Variants in ATG3 observed in about 807,000 individuals in gnomAD.
ATG3 encodes the protein ubiquitin-like-conjugating enzyme ATG3.
ATG3 carries 25 observed loss-of-function variants against 50.7 expected under a neutral mutation model. The ratio of observed to expected loss-of-function variants is 0.49; its 90% CI spans 0.36 to 0.69. The LOEUF is 0.69. Ranked by LOEUF, ATG3 falls within the 30% of genes least tolerant of loss-of-function variation. ATG3 has a pLI of 0.00. For synonymous variants in ATG3, 119 were observed against 125.5 expected (o/e 0.95, Z 0.34); for missense variants, 281 against 376.0 (o/e 0.75, Z 2.09).
At chr3:112,537,980 G>T in intron 8 of ATG3, 90 bp from the exon 9 acceptor site, 1 of 1,343,550 alleles carries the variant, frequency 7.4e-7, no homozygotes, top group Non-Finnish European at 1.0e-6. Context: ...TCTATATTTT[G>T]TTTTCTTAAG....
chr3:112,536,334 C>A, intron 10 of ATG3, 141 bp downstream of exon 10: 1 of 941,576 alleles, frequency 1.1e-6, no homozygotes, highest in East Asian at 2.8e-5. Flanking sequence ...AAGAAAATTT[C>A]TAAGGAGGAC....
At chr3:112,560,609 C>T (rs562172487) in intron 1 of ATG3, among the ~76,000 whole-genome samples, 2 of 151,866 alleles carry the variant, frequency 1.3e-5, no homozygotes, top group South Asian at 2.1e-4. Flanking sequence ...TAAGCAAGAA[C>T]TTCCCATTAA....
At chr3:112,547,516 C>T (rs920780559) in intron 5 of ATG3, among the ~76,000 whole-genome samples, 2 of 152,180 alleles carry the variant, frequency 1.3e-5, no homozygotes, top group Non-Finnish European at 2.9e-5. Context: ...AGCACATTTT[C>T]TTCATCAAAA....
At chr3:112,539,678 C>T (rs1224675586) in intron 7 of ATG3, among the ~76,000 whole-genome samples, 2 of 152,140 alleles carry the variant, frequency 1.3e-5, no homozygotes, top group African/African-American at 4.8e-5. Flanking sequence ...TGCTTTATCT[C>T]CAACACCAAG....
chr3:112,541,881 T>A lies in ATG3; in HGVS notation c.397A>T (p.Asn133Tyr). ...GCTGAGCAATCTTGAAGCCTTATAT[T>A]GTCCTTTGAAATTAATTATATTTAA... ...VKEITLENKD[N>Y]IRLQDCSALC... The change falls in exon 7 of 12, where the codon AAT (asparagine) becomes TAT (tyrosine). Residue 133 changes from asparagine to tyrosine, a missense_variant. This residue lies in a region of ATG3 where 242 missense variants were observed against 305.0 expected (regional missense o/e 0.79). Coordinates refer to ENST00000283290, the MANE Select transcript of ATG3 (RefSeq NM_022488.5). The A allele has an allele frequency of 6.2e-7, 1 of 1,608,376 alleles. No individual in the cohort carries two copies. The highest frequency in any genetic ancestry group is 1.1e-5 in the South Asian group (1 of 90,316).
chr3:112,544,268 A>G (rs1933313439), intron 5 of ATG3, among the ~76,000 whole-genome samples, 162 bp from the exon 6 acceptor site: 1 of 152,236 alleles, frequency 6.6e-6, no homozygotes, highest in Admixed American at 6.5e-5. Flanking sequence ...GAGAATAGTC[A>G]CAATGGCACC....
chr3:112,544,077 CTT>C lies in ATG3; in HGVS notation c.371_372del (p.Lys124ArgfsTer7). On this transcript the variant is annotated frameshift_variant, in exon 6 of 12. Coordinates refer to ENST00000283290, the MANE Select transcript of ATG3 (RefSeq NM_022488.5). LOFTEE classifies it high-confidence loss of function. ...AGTACCTTATTTTCCAGTGTGATCT[CTT>C]TAACGGCTTCCGTTATTCCTGTAAT... The part of the protein sequence containing the change: ...TGITGITEAV[K>X]EITLENKDNI... 1 of 1,602,674 alleles carries C rather than the reference CTT, an allele frequency of 6.2e-7. No homozygotes were observed. Among genetic ancestry groups the C allele is most frequent in the Admixed American group, 1.7e-5 (1 of 59,746 alleles).
intron 2 of ATG3, among the ~76,000 whole-genome samples, chr3:112,557,831 T>G (rs1576729817): frequency 6.6e-6 from 1 of 151,170 alleles, no homozygotes; most frequent in Non-Finnish European, 1.5e-5. Flanking sequence ...AAAAAAAAAT[T>G]CAAGCTTAAA....
intron 7 of ATG3, among the ~76,000 whole-genome samples, 162 bp downstream of exon 7, chr3:112,541,641 G>A (rs1050811418): frequency 7.2e-5 from 11 of 152,136 alleles, no homozygotes; most frequent in Admixed American, 3.9e-4. Flanking sequence ...ATCAAGATAA[G>A]TTTTACACTA....
At chr3:112,561,407 A>G (rs747983850) in intron 1 of ATG3, 50 bp downstream of exon 1, 5 of 1,587,932 alleles carry the variant, frequency 3.1e-6, no homozygotes, top group South Asian at 1.1e-5. Context: ...CTGGTCCCTG[A>G]AAAGTCGAGC....
At chr3:112,533,123 T>C in intron 11 of ATG3, 1 of 999,094 alleles carries the variant, frequency 1.0e-6, no homozygotes, top group South Asian at 4.4e-5. Flanking sequence ...GCTAGAGTTA[T>C]GTCAGAAAAT....
Position 112,545,625 on chromosome 3 carries a change from A to T in ATG3, c.344-1519T>A, listed in dbSNP as rs573223624. ...ACTATTTCATAACAGTAAAACCCAA[A>T]TTTTAACATACGAATTGACTGCGGA... On this transcript the variant is annotated intron_variant, in intron 5 of 11. Transcript: ENST00000283290. Among the ~76,000 whole-genome samples, 9 of 152,332 alleles carry T rather than the reference A, an allele frequency of 5.9e-5. No individual in the cohort carries two copies. In the East Asian group the frequency reaches 1.7e-3, roughly 29 times the overall value.
chr3:112,561,007 C>G (rs1933848170), intron 1 of ATG3, among the ~76,000 whole-genome samples: 1 of 152,210 alleles, frequency 6.6e-6, no homozygotes, highest in South Asian at 2.1e-4. Context: ...TTCCCCACTA[C>G]AGCGGACTTT....
In ATG3 at chr3:112,550,282, C is replaced by T; in HGVS notation, c.165-20G>A. The T allele has an allele frequency of 1.3e-6, 2 of 1,574,128 alleles. No individual in the cohort carries two copies. Among genetic ancestry groups the T allele is most frequent in the Non-Finnish European group, 1.7e-6 (2 of 1,147,784 alleles). ...GTAGCCCTTTAAAAACAGTGAAAAGCACCAAAATACAAAACATATTTTAAT... is the reference window on the plus strand; with the variant it reads ...GTAGCCCTTTAAAAACAGTGAAAAGTACCAAAATACAAAACATATTTTAAT... On this transcript the variant is annotated intron_variant, in intron 3 of 11. Coordinates refer to ENST00000283290, the MANE Select transcript of ATG3 (RefSeq NM_022488.5).
intron 2 of ATG3, chr3:112,558,157 T>C (rs1933739490): frequency 1.9e-6 from 1 of 526,702 alleles, no homozygotes; most frequent in Non-Finnish European, 3.4e-6. Context: ...CATTTCTAAA[T>C]AAAGAGGAAC....
In ATG3 at chr3:112,533,308, T is replaced by C. The variant is rs1261787818; in HGVS notation, c.864-528A>G. 7 of 984,848 alleles carry C rather than the reference T, an allele frequency of 7.1e-6. No individual in the cohort carries two copies. In the African/African-American group the frequency reaches 1.0e-4, roughly 15 times the overall value. 61.0% of individuals were successfully genotyped at this position (984,848 alleles called of 1,614,324 possible). A position where few individuals can be genotyped will look rare whatever the true frequency, so the allele number is the denominator to read the frequency against. ...TTATGTTCATTGCACTTAAAAACAT[T>C]AGGAGCTTACTTTTCATTGGGGGAA... is the stretch of plus-strand genomic sequence containing the variant. On this transcript the variant is annotated intron_variant, in intron 11 of 11. Transcript: ENST00000283290.
intron 4 of ATG3, among the ~76,000 whole-genome samples, chr3:112,549,241 A>AGATTG (rs1239377334): frequency 6.6e-6 from 1 of 152,248 alleles, no homozygotes. Context: ...CATAAGCCTA[A>AGATTG]GATTGGGTAA....
intron 11 of ATG3, chr3:112,533,271 T>C: frequency 6.1e-6 from 6 of 984,888 alleles, no homozygotes; most frequent in Non-Finnish European, 7.2e-6. Flanking sequence ...TTAATTAAAT[T>C]CTGAAATTTT....
chr3:112,552,681 ACT>A (rs986712752), intron 3 of ATG3, among the ~76,000 whole-genome samples: 6 of 146,794 alleles, frequency 4.1e-5, no homozygotes, highest in African/African-American at 7.6e-5. Flanking sequence ...GGAGCCTCTC[ACT>A]CTGTTGCCCA....
Sources: gnomAD v4.1 joint callset for allele counts (sites outside exome capture counted in the v4.1 genomes callset) on GRCh38, gnomAD v4.1.1 for gene constraint, gnomAD v4.1.1 regional missense constraint, MANE v1.5 for transcripts, NCBI Gene and HGNC (gene_info 2026-07-23, HGNC 2026-07-21) for gene names.